Variants in LAMA5 observed in about 807,000 individuals in gnomAD.
LAMA5 encodes the protein laminin subunit alpha-5.
Under a neutral mutation model 433.4 loss-of-function variants are expected in LAMA5, and 260 were observed. The ratio of observed to expected loss-of-function variants is 0.60; its 90% CI spans 0.54 to 0.66. LAMA5 has a LOEUF of 0.66. Ranked by LOEUF, LAMA5 falls within the 30% of genes least tolerant of loss-of-function variation. LAMA5 has a pLI of 0.00. For missense variants in LAMA5, 5,378 were observed against 5,258.5 expected, an observed-to-expected ratio of 1.02 and a Z score of -0.70; for synonymous variants, 2,620 against 2,226.6, an observed-to-expected ratio of 1.18 and a Z score of -4.97.
Position 62,334,243 on chromosome 20 carries a change from G to A in LAMA5, c.2682C>T (p.Asn894=). The A allele has an allele frequency of 6.2e-7, 1 of 1,612,960 alleles. No individual in the cohort carries two copies. Among genetic ancestry groups the A allele is most frequent in the Non-Finnish European group, 8.5e-7 (1 of 1,179,900 alleles). Residue 894 remains asparagine, a synonymous_variant, in exon 22 of 80, where the codon AAC becomes AAT. Coordinates refer to ENST00000252999, the MANE Select transcript of LAMA5 (RefSeq NM_005560.6). The part of the protein sequence containing the change: ...PEGHAVRFGF[N]PLEFENFSWR... The stretch of plus-strand genomic sequence containing the variant: ...AGCTGAAGTTCTCGAACTCGAGGGG[G>A]TTGAAGCCAAAGCGCACGGCGTGAC...
chr20:62,329,015 A>C lies in LAMA5; in HGVS notation c.4276T>G (p.Ser1426Ala). 6.2e-7 allele frequency: 1 copy of C among 1,612,704 alleles called. No individual in the cohort carries two copies. Among genetic ancestry groups the C allele is most frequent in the Non-Finnish European group, 8.5e-7 (1 of 1,179,890 alleles). ...CCGTTGTTATAGAAGAGGGAGAGGGAAGCAGCAGCGTTTCGGCAGAACAGG... is the reference window on the plus strand; with the variant it reads ...CCGTTGTTATAGAAGAGGGAGAGGGCAGCAGCAGCGTTTCGGCAGAACAGG... ...SSLFCRNAAA[S>A]LSLFYNNGAR... is the part of the protein sequence containing the mutation. Residue 1426 changes from serine to alanine, a missense_variant, in exon 34 of 80, where the codon TCC becomes GCC. Physicochemically the swap from Ser to Ala is moderately conservative, Grantham distance 99. Coordinates refer to ENST00000252999, the MANE Select transcript of LAMA5 (RefSeq NM_005560.6).
chr20:62,319,658 C>T lies in LAMA5; in HGVS notation c.6871+26G>A, dbSNP rs987502332. On this transcript the variant is annotated intron_variant, in intron 51 of 79. Coordinates refer to ENST00000252999, the MANE Select transcript of LAMA5 (RefSeq NM_005560.6). ...CAGGCAGCCCTCCTGGCTCTGAGCC[C>T]TGAGCCTGGCTGGGCTGGCCCCTAC... 8.6e-6 allele frequency: 13 copies of T among 1,508,424 alleles called. No homozygotes were observed. The African/African-American group carries it at 1.8e-4, about 21-fold the overall frequency. 93.4% of individuals were successfully genotyped at this position (1,508,424 alleles called of 1,614,324 possible).
chr20:62,312,673 G>A lies in LAMA5; in HGVS notation c.9186C>T (p.Ala3062=), dbSNP rs1201611188. Residue 3062 remains alanine, a synonymous_variant, in exon 67 of 80, where the codon GCC becomes GCT. Transcript: ENST00000252999. ...CGGGCGGCACGCCCCCCAGGTAGTA[G>A]GCGTCGGCCAGCTCCAGATCATTGT... The part of the protein sequence containing the change: ...EQDNDLELAD[A]YYLGGVPPDQ... 7.5e-6 allele frequency: 12 copies of A among 1,607,626 alleles called. No individual in the cohort carries two copies. The highest frequency in any genetic ancestry group is 1.7e-6 in the Non-Finnish European group (2 of 1,177,972).
At chr20:62,366,192 C>T (rs1407431437) in intron 1 of LAMA5, among the ~76,000 whole-genome samples, 2 of 152,188 alleles carry the variant, frequency 1.3e-5, no homozygotes, top group Admixed American at 6.5e-5. Context: ...GACCCCAGGC[C>T]CAACCTAAGT....
In LAMA5 at chr20:62,334,576, G is replaced by C; in HGVS notation, c.2528C>G (p.Pro843Arg). The change falls in exon 21 of 80, where the codon CCG becomes CGG. Residue 843 changes from proline to arginine, a missense_variant. Transcript: ENST00000252999. ...IGGALGQSCE[P>R]RTGVCRCRPN... ...GCGGCACCGGCAGACGCCCGTCCTC[G>C]GTTCACAGCTCTGGCCCAGTGCACC... 6.5e-7 allele frequency: 1 copy of C among 1,548,478 alleles called. No homozygotes were observed. The highest frequency in any genetic ancestry group is 1.2e-5 in the South Asian group (1 of 84,046).
intron 21 of LAMA5, 84 bp downstream of exon 21, chr20:62,334,438 G>T: frequency 6.6e-7 from 1 of 1,514,850 alleles, no homozygotes; most frequent in Non-Finnish European, 8.9e-7. Context: ...GCCTCACGTG[G>T]GCCCATGGTG....
chr20:62,358,313 C>T (rs1985547039), intron 2 of LAMA5, among the ~76,000 whole-genome samples: 1 of 152,122 alleles, frequency 6.6e-6, no homozygotes, highest in Non-Finnish European at 1.5e-5. Flanking sequence ...GTGGTGCCTC[C>T]CAGGACCCCC....
chr20:62,310,196 C>T lies in LAMA5; in HGVS notation c.10716G>A (p.Leu3572=). 6.2e-7 allele frequency: 1 copy of T among 1,612,546 alleles called. No homozygotes were observed. The highest frequency in any genetic ancestry group is 8.5e-7 in the Non-Finnish European group (1 of 1,179,950). The part of the protein sequence containing the change: ...GQARTPPYLQ[L]QVTEKQVLLR... ...GGCTTACTTGCTTCTCGGTCACCTG[C>T]AACTGCAAGTAGGGGGGCGTCCGGG... is the stretch of plus-strand genomic sequence containing the variant. The change falls in exon 77 of 80, where the codon TTG becomes TTA. Residue 3572 remains leucine (L), a synonymous_variant. Transcript: ENST00000252999.
Position 62,333,617 on chromosome 20 carries a change from C to A in LAMA5, c.2968G>T (p.Val990Leu). ...AGGGCCCAGGTGCCAGGGTTCAGCA[C>A]AAAGGGCTCTCCGAAGCCCCTCTGG... is the stretch of plus-strand genomic sequence containing the variant. The part of the protein sequence containing the change: ...VPQRGFGEPF[V>L]LNPGTWALRV... Residue 990 changes from valine to leucine, a missense_variant, in exon 24 of 80, where the codon GTG (valine) becomes TTG (leucine). By Grantham distance (32) the Val-to-Leu change is conservative (BLOSUM62 1). Transcript: ENST00000252999. The A allele has an allele frequency of 6.3e-7, 1 of 1,579,234 alleles. No homozygotes were observed. Among genetic ancestry groups the A allele is most frequent in the South Asian group, 1.2e-5 (1 of 86,574 alleles).
intron 1 of LAMA5, among the ~76,000 whole-genome samples, chr20:62,363,160 C>T (rs1221973115): frequency 6.6e-6 from 1 of 152,136 alleles, no homozygotes; most frequent in East Asian, 1.9e-4. Flanking sequence ...CCAGATCTTG[C>T]CCACAGCCTT....
Position 62,312,748 on chromosome 20 carries a change from C to A in LAMA5, c.9111G>T (p.Lys3037Asn). The A allele has an allele frequency of 6.3e-7, 1 of 1,591,118 alleles. No homozygotes were observed. The highest frequency in any genetic ancestry group is 2.3e-5 in the East Asian group (1 of 43,006). ...CCCGCTCCACACGCACCAGCACACG[C>A]TTGCGGCTGCCCCCCAGCAGGAACA... ...IQVFLLGGSR[K>N]RVLVRVERAT... Residue 3037 changes from lysine to asparagine, a missense_variant, in exon 67 of 80, where the codon AAG (lysine) becomes AAT (asparagine). Coordinates refer to ENST00000252999, the MANE Select transcript of LAMA5 (RefSeq NM_005560.6).
intron 18 of LAMA5, 31 bp from the exon 19 acceptor site, chr20:62,335,300 T>G: frequency 6.2e-7 from 1 of 1,609,738 alleles, no homozygotes; most frequent in Non-Finnish European, 8.5e-7. Context: ...CTCAGATGCT[T>G]GGTGGGGCAG....
chr20:62,321,936 C>T (rs556940225), intron 48 of LAMA5, 83 bp downstream of exon 48: 980 of 1,400,118 alleles, frequency 7.0e-4, no homozygotes, highest in Non-Finnish European at 9.1e-4. Context: ...GGGAGGTCGA[C>T]GTTAACACTG....
intron 2 of LAMA5, among the ~76,000 whole-genome samples, chr20:62,361,576 C>T (rs1986134675): frequency 6.6e-6 from 1 of 152,252 alleles, no homozygotes; most frequent in Non-Finnish European, 1.5e-5. Flanking sequence ...GTGTCACACA[C>T]TGGGACTGGG....
Position 62,314,432 on chromosome 20 carries a change from C to T in LAMA5, c.8376G>A (p.Gly2792=). 1.9e-6 allele frequency: 3 copies of T among 1,613,416 alleles called. No homozygotes were observed. The highest frequency in any genetic ancestry group is 1.7e-6 in the Non-Finnish European group (2 of 1,179,918). ...CACGCAGAGACACACCCATGTAGTC[C>T]CCAGTGGCCTGCGGCAGTGACAGAC... ...VMYMGSRQAT[G]DYMGVSLRDK... Residue 2792 remains glycine, a synonymous_variant, in exon 62 of 80, where the codon GGG becomes GGA. Coordinates refer to ENST00000252999, the MANE Select transcript of LAMA5 (RefSeq NM_005560.6).
At chr20:62,321,714 A>AGAGGGGTGGGGCCAGTG (rs1260462880) in intron 48 of LAMA5, among the ~76,000 whole-genome samples, 1 of 23,942 alleles carries the variant, frequency 4.2e-5, no homozygotes, top group East Asian at 1.6e-3. Flanking sequence ...CAGGGCCAGC[A>AGAGGGGTGGGGCCAGTG]GAGGGGTGGG....
chr20:62,339,685 C>T (rs1389087810), intron 11 of LAMA5, among the ~76,000 whole-genome samples: 1 of 152,042 alleles, frequency 6.6e-6, no homozygotes, highest in Non-Finnish European at 1.5e-5. Flanking sequence ...ACTGGTCAGA[C>T]CAGAACACAG....
At position 62,312,438 on chromosome 20, in the gene LAMA5, T is replaced by C. The variant is rs774090334; in HGVS notation, c.9322A>G (p.Thr3108Ala). The change falls in exon 68 of 80, where the codon ACG (threonine) becomes GCG (alanine). Residue 3108 changes from threonine (T) to alanine (A), a missense_variant. Thr to Ala is a moderately conservative substitution (Grantham distance 58, BLOSUM62 0). Coordinates refer to ENST00000252999, the MANE Select transcript of LAMA5 (RefSeq NM_005560.6). ...GKYVDLKRLNTTGVSAGCTAD... is the reference protein window; with the variant it reads ...GKYVDLKRLNATGVSAGCTAD... ...GTGCAGCCGGCGCTCACGCCTGTCG[T>C]GTTCAGCCGCTTGAGGTCCACATAC... is the stretch of plus-strand genomic sequence containing the variant. 1.9e-6 allele frequency: 3 copies of C among 1,598,034 alleles called. No individual in the cohort carries two copies. The highest frequency in any genetic ancestry group is 2.5e-6 in the Non-Finnish European group (3 of 1,179,536).
intron 16 of LAMA5, 87 bp from the exon 17 acceptor site, chr20:62,336,873 T>C: frequency 7.3e-7 from 1 of 1,363,420 alleles, no homozygotes; most frequent in Non-Finnish European, 1.0e-6. Context: ...GAACCCACGG[T>C]CCCACAGGAG....
Sources: allele counts gnomAD v4.1 joint callset (sites outside exome capture counted in the v4.1 genomes callset), GRCh38; gene constraint gnomAD v4.1.1; transcripts MANE v1.5; gene names NCBI Gene and HGNC (gene_info 2026-07-23, HGNC 2026-07-21).